Variants in WDR86 observed in about 807,000 individuals in gnomAD.
WDR86 encodes the protein WD repeat domain 86, also known as WD repeat-containing protein 86.
A neutral mutation model predicts 36.5 loss-of-function variants in WDR86; 30 were observed. The ratio of observed to expected loss-of-function variants is 0.82; its 90% CI spans 0.61 to 1.11. WDR86 has a LOEUF of 1.11. Among genes scored for constraint, WDR86 ranks in the 50% most tolerant of loss-of-function variants. The pLI, the probability that WDR86 is intolerant of heterozygous loss-of-function variation, is 0.00. For missense variants in WDR86, 545 were observed against 561.2 expected, an observed-to-expected ratio of 0.97 and a Z score of 0.29; for synonymous variants, 255 against 252.9, an observed-to-expected ratio of 1.01 and a Z score of -0.08.
chr7:151,401,352 G>GCACT lies in WDR86; in HGVS notation c.164-1115_164-1112dup, dbSNP rs1183831594. Among the ~76,000 whole-genome samples, 1 of 152,180 alleles carries GCACT rather than the reference G, an allele frequency of 6.6e-6. No homozygotes were observed. Among genetic ancestry groups the GCACT allele is most frequent in the African/African-American group, 2.4e-5 (1 of 41,442 alleles). On this transcript the variant is annotated intron_variant, in intron 1 of 5. Transcript: ENST00000334493. This position sits in a 1 kb window ranked among gnomAD's most constrained non-coding sequence, Gnocchi z 4.3. ...CATCAACAGCAGGAGCAATCCAGGG[G>GCACT]CACTCGCCTGCACCCTAAACCCTCT...
chr7:151,404,193 T>C (rs942239687), intron 1 of WDR86, among the ~76,000 whole-genome samples: 4 of 151,930 alleles, frequency 2.6e-5, no homozygotes, highest in Non-Finnish European at 5.9e-5. Flanking sequence ...TGCATACAAA[T>C]ATTGAAGAAA....
At position 151,401,198 on chromosome 7, in the gene WDR86, C is replaced by T. The variant is rs1362381628; in HGVS notation, c.164-957G>A. 6.6e-6 allele frequency among the ~76,000 whole-genome samples: 1 copy of T among 152,272 alleles called. No individual in the cohort carries two copies. The highest frequency in any genetic ancestry group is 2.4e-5 in the African/African-American group (1 of 41,470). On this transcript the variant is annotated intron_variant, in intron 1 of 5. Transcript: ENST00000334493. The surrounding 1 kb of genome is among the most constrained non-coding windows in gnomAD (Gnocchi z 4.3). The stretch of plus-strand genomic sequence containing the variant: ...CCCCTCTTGGGGCGTCCTGCCTATT[C>T]TGCACCTAACTTTCAGGGTATTCTT...
In WDR86 at chr7:151,394,848, AC is replaced by A. The variant is rs369542950; in HGVS notation, c.726+927del. 2.2e-3 allele frequency among the ~76,000 whole-genome samples: 333 copies of A among 152,252 alleles called. 4 individuals carry two copies. The highest frequency in any genetic ancestry group is 7.4e-3 in the African/African-American group (309 of 41,546). ...CTGCATCTGCAGGAAAGGCGTGAGA[AC>A]CCCCAGGCACCGGGATGTTCGAAGC... On this transcript the variant is annotated intron_variant, in intron 3 of 5. Coordinates refer to ENST00000334493, the MANE Select transcript of WDR86 (RefSeq NM_198285.3).
chr7:151,388,093 T>A lies in WDR86; in HGVS notation c.727-2870A>T, dbSNP rs1385795223. Among the ~76,000 whole-genome samples the A allele has an allele frequency of 6.6e-6, 1 of 152,206 alleles. No individual in the cohort carries two copies. Among genetic ancestry groups the A allele is most frequent in the Non-Finnish European group, 1.5e-5 (1 of 68,036 alleles). ...GCTCCTCAGGGTTGGGTGAGACTCA[T>A]GAACTGGTACGACAGGGCTTTTGCA... On this transcript the variant is annotated intron_variant, in intron 3 of 5. Coordinates refer to ENST00000334493, the MANE Select transcript of WDR86 (RefSeq NM_198285.3). The surrounding 1 kb of genome is among the most constrained non-coding windows in gnomAD (Gnocchi z 4.2).
At chr7:151,397,821 G>T (rs1285578038) in intron 2 of WDR86, among the ~76,000 whole-genome samples, 1 of 116,286 alleles carries the variant, frequency 8.6e-6, no homozygotes, top group East Asian at 4.0e-4. Flanking sequence ...GGAGGAAGAG[G>T]GTGTAGCGGG....
chr7:151,409,802 G>T lies in WDR86; in HGVS notation c.-213C>A, dbSNP rs370372604. On this transcript the variant is annotated 5_prime_UTR_variant, in exon 1 of 6. Transcript: ENST00000334493. This position sits in a 1 kb window ranked among gnomAD's most constrained non-coding sequence, Gnocchi z 5.2. ...GGCCCGCGAACCCAGGGCGCTGCGGGGGGCGGCCCACTCGGGACCTCCGCC... is the reference window on the plus strand; with the variant it reads ...GGCCCGCGAACCCAGGGCGCTGCGGTGGGCGGCCCACTCGGGACCTCCGCC... The T allele has an allele frequency of 4.7e-6, 6 of 1,263,966 alleles. No individual in the cohort carries two copies. The African/African-American group carries it at 6.2e-5, about 13-fold the overall frequency. 78.3% of individuals were successfully genotyped at this position (1,263,966 alleles called of 1,614,324 possible). A position where few individuals can be genotyped will look rare whatever the true frequency, so the allele number is the denominator to read the frequency against.
At chr7:151,369,385 C>T in the WDR86 span, among the ~76,000 whole-genome samples, 1 of 152,156 alleles carries the variant, frequency 6.6e-6, no homozygotes, top group Non-Finnish European at 1.5e-5. Context: ...TGGTGGCAAA[C>T]GGTCCCCTCT....
At chr7:151,374,964 G>A (rs1177302561), downstream of WDR86, among the ~76,000 whole-genome samples, 1 of 151,870 alleles carries the variant, frequency 6.6e-6, no homozygotes, top group Non-Finnish European at 1.5e-5. Context: ...GGGGCAGCGC[G>A]GCGGGCAGGA....
Position 151,401,028 on chromosome 7 carries a change from G to A in WDR86, c.164-787C>T, listed in dbSNP as rs536800854. 2.6e-5 allele frequency among the ~76,000 whole-genome samples: 4 copies of A among 152,320 alleles called. No individual in the cohort carries two copies. The highest frequency in any genetic ancestry group is 1.3e-4 in the Admixed American group (2 of 15,306). ...TGTGACGTATGAACAGGGATGCACAGCCACTGTGCATGAGCACCCAGAACA... is the reference window on the plus strand; with the variant it reads ...TGTGACGTATGAACAGGGATGCACAACCACTGTGCATGAGCACCCAGAACA... On this transcript the variant is annotated intron_variant, in intron 1 of 5. Transcript: ENST00000334493. The surrounding 1 kb of genome is among the most constrained non-coding windows in gnomAD (Gnocchi z 4.3).
At chr7:151,408,988 G>C (rs1310170984) in intron 1 of WDR86, 1 of 476,602 alleles carries the variant, frequency 2.1e-6, no homozygotes, top group Admixed American at 2.3e-5. Context: ...TACTGTTGCT[G>C]TGAGAGTCGT....
downstream of WDR86, among the ~76,000 whole-genome samples, chr7:151,373,171 C>A (rs1028278865): frequency 6.6e-6 from 1 of 152,150 alleles, no homozygotes; most frequent in African/African-American, 2.4e-5. Context: ...TTTTCTCCCC[C>A]GTCCTCGCTG....
the WDR86 span, among the ~76,000 whole-genome samples, chr7:151,370,309 G>A: frequency 8.6e-5 from 13 of 151,908 alleles, no homozygotes; most frequent in African/African-American, 2.7e-4. Context: ...GGCTGGTCTC[G>A]AACTCCTGAC....
rs376611028 is a variant in WDR86 at position 151,395,890 on chromosome 7, G to A, written c.612C>T (p.Pro204=). 2.4e-4 allele frequency: 380 copies of A among 1,602,184 alleles called. No individual in the cohort carries two copies. The highest frequency in any genetic ancestry group is 2.9e-4 in the Non-Finnish European group (342 of 1,176,738). The change falls in exon 3 of 6, where the codon CCC becomes CCT. Residue 204 remains proline, a synonymous_variant. Transcript: ENST00000334493. Reference sequence around the variant, plus strand: ...TGCTGCCTGTGAAGGCCGTGTGGCCGGGCGTGTCTAGCACTAGGCACAGCA... The same window carrying A: ...TGCTGCCTGTGAAGGCCGTGTGGCCAGGCGTGTCTAGCACTAGGCACAGCA... The part of the protein sequence containing the change: ...GAVLCLVLDT[P]GHTAFTGSTD...
chr7:151,398,470 T>C (rs1056518849), intron 2 of WDR86, among the ~76,000 whole-genome samples: 79 of 135,924 alleles, frequency 5.8e-4, no homozygotes, highest in Admixed American at 4.6e-3. Flanking sequence ...CACATGTGTA[T>C]GTGTAAGGTG....
chr7:151,377,541 G>T (rs986697868), downstream of WDR86: 1 of 182,184 alleles, frequency 5.5e-6, no homozygotes, highest in Non-Finnish European at 1.1e-5. Context: ...CCTGGGGAAG[G>T]TGTCCAGGGC....
At chr7:151,398,193 GTA>G (rs574308491) in intron 2 of WDR86, among the ~76,000 whole-genome samples, 22 of 152,060 alleles carry the variant, frequency 1.4e-4, no homozygotes, top group South Asian at 4.1e-4. Context: ...GTGTATATGT[GTA>G]TGTTTTGTTG....
chr7:151,374,592 T>TATA (rs1276844160), downstream of WDR86: 3 of 345,854 alleles, frequency 8.7e-6, no homozygotes, highest in East Asian at 1.1e-4. Flanking sequence ...CAACTTGTAG[T>TATA]ATAATTGTTT....
At position 151,406,867 on chromosome 7, in the gene WDR86, T is replaced by C. The variant is rs74715396; in HGVS notation, c.163+2560A>G. Reference sequence around the variant, plus strand: ...ATTACACAATAAAAAAGCACAAAGATGTGTTATTTATAAAATATAGGGCAC... The same window carrying C: ...ATTACACAATAAAAAAGCACAAAGACGTGTTATTTATAAAATATAGGGCAC... On this transcript the variant is annotated intron_variant, in intron 1 of 5. Coordinates refer to ENST00000334493, the MANE Select transcript of WDR86 (RefSeq NM_198285.3). The surrounding 1 kb of genome is among the most constrained non-coding windows in gnomAD (Gnocchi z 4.4). Among the ~76,000 whole-genome samples the C allele has an allele frequency of 3.6e-3, 547 of 152,208 alleles. 5 individuals carry two copies. The highest frequency in any genetic ancestry group is 0.012 in the African/African-American group (487 of 41,500).
At chr7:151,396,293 A>G in intron 2 of WDR86, 97 bp from the exon 3 acceptor site, 1 of 1,388,326 alleles carries the variant, frequency 7.2e-7, no homozygotes, top group East Asian at 2.3e-5. Flanking sequence ...CAGCTAAAAT[A>G]ACCTCTCCCT....
Sources: gnomAD v4.1 joint callset for allele counts (sites outside exome capture counted in the v4.1 genomes callset) on GRCh38, gnomAD v4.1.1 for gene constraint, Gnocchi (gnomAD v3.1) non-coding constraint, MANE v1.5 for transcripts, NCBI Gene and HGNC (gene_info 2026-07-23, HGNC 2026-07-21) for gene names.